The following HTR2C variants were observed in gnomAD, a reference collection of about 807,000 sequenced individuals.
HTR2C encodes 5-hydroxytryptamine (serotonin) receptor 2C, G protein-coupled.
A neutral mutation model predicts 21.0 loss-of-function variants in HTR2C; 5 were observed. That is an observed-to-expected ratio of 0.24 (90% CI 0.12 to 0.50). The LOEUF (loss-of-function observed/expected upper bound fraction) is 0.50. Ranked by LOEUF, HTR2C falls within the 20% of genes least tolerant of loss-of-function variation. The pLI, the probability that HTR2C is intolerant of heterozygous loss-of-function variation, is 0.98. For synonymous variants in HTR2C, 150 were observed against 145.3 expected (o/e 1.03, Z -0.23); for missense variants, 271 against 371.2 (o/e 0.73, Z 2.22).
chrX:114,711,385 A>G (rs1038280535), intron 2 of HTR2C, among the ~76,000 whole-genome samples: 6 of 111,951 alleles, frequency 5.4e-5, no homozygotes, highest in Non-Finnish European at 7.5e-5. Context: ...CATATCTTTC[A>G]TTCTTTTACT....
intron 4 of HTR2C, among the ~76,000 whole-genome samples, chrX:114,803,120 C>A (rs1556447492): frequency 1.1e-5 from 1 of 94,404 alleles, no homozygotes; most frequent in African/African-American, 3.8e-5. Flanking sequence ...TTTTCTTAAT[C>A]CAGTCTATCA....
chrX:114,780,396 T>G (rs1236764156), intron 4 of HTR2C, among the ~76,000 whole-genome samples: 1 of 111,849 alleles, frequency 8.9e-6, no homozygotes, highest in East Asian at 2.8e-4. Flanking sequence ...ACTGAGCAGC[T>G]ATTGTCTTGT....
At chrX:114,592,167 G>T (rs1215345067) in intron 1 of HTR2C, among the ~76,000 whole-genome samples, 1 of 112,259 alleles carries the variant, frequency 8.9e-6, no homozygotes. Context: ...ATAAAATGGG[G>T]AAGAGAACAT....
intron 4 of HTR2C, among the ~76,000 whole-genome samples, chrX:114,810,277 G>A (rs917806728): frequency 1.5e-4 from 17 of 111,193 alleles, no homozygotes; most frequent in African/African-American, 4.9e-4. Flanking sequence ...CCTTGGCCAC[G>A]CCAGCTGATA....
Position 114,789,609 on chromosome X carries a change from A to G in HTR2C, c.349+58002A>G, listed in dbSNP as rs1556442969. The stretch of plus-strand genomic sequence containing the variant: ...AAAATGTTAACGACCTCTGAAAATT[A>G]AAAAAAAAGGGCTTTGAGCTTAGAA... On this transcript the variant is annotated intron_variant, in intron 4 of 5. Coordinates refer to ENST00000276198, the MANE Select transcript of HTR2C (RefSeq NM_000868.4). 6.4e-5 allele frequency among the ~76,000 whole-genome samples: 7 copies of G among 110,143 alleles called. No individual in the cohort carries two copies. In the South Asian group the frequency reaches 2.3e-3, roughly 36 times the overall value.
intron 4 of HTR2C, among the ~76,000 whole-genome samples, chrX:114,737,608 A>G (rs1291728433): frequency 8.9e-6 from 1 of 112,100 alleles, no homozygotes; most frequent in Non-Finnish European, 1.9e-5. Context: ...AAATATATCA[A>G]ATATAATATG....
chrX:114,604,899 A>G (rs1185969635), intron 1 of HTR2C, among the ~76,000 whole-genome samples: 1 of 111,056 alleles, frequency 9.0e-6, no homozygotes, highest in African/African-American at 3.3e-5. Flanking sequence ...TTTTTCTATT[A>G]TTGTACACCT....
chrX:114,779,931 A>G (rs952726933), intron 4 of HTR2C, among the ~76,000 whole-genome samples: 2 of 111,116 alleles, frequency 1.8e-5, no homozygotes, highest in Non-Finnish European at 3.8e-5. Flanking sequence ...GCATATGTGT[A>G]TATGTGTGTA....
At chrX:114,810,796 G>A (rs2070523662) in intron 4 of HTR2C, among the ~76,000 whole-genome samples, 1 of 108,723 alleles carries the variant, frequency 9.2e-6, no homozygotes, top group South Asian at 4.3e-4. Flanking sequence ...TCAATTTGGT[G>A]TTCCTGTGAG....
chrX:114,718,160 A>G (rs1556420053), intron 2 of HTR2C, among the ~76,000 whole-genome samples: 1 of 111,104 alleles, frequency 9.0e-6, no homozygotes, highest in Non-Finnish European at 1.9e-5. Flanking sequence ...CCCACCCCAC[A>G]GTAGCTGGGA....
chrX:114,723,047 A>G (rs1451222412), intron 2 of HTR2C, among the ~76,000 whole-genome samples: 5 of 111,173 alleles, frequency 4.5e-5, no homozygotes, highest in African/African-American at 1.6e-4. Flanking sequence ...GTTAGGGAGG[A>G]TTCCCTCTTT....
intron 5 of HTR2C, among the ~76,000 whole-genome samples, chrX:114,851,750 C>T (rs955808865): frequency 3.6e-5 from 4 of 111,327 alleles, no homozygotes; most frequent in Non-Finnish European, 5.7e-5. Flanking sequence ...ATTTGCCAGA[C>T]TCACCTTTTA....
intron 2 of HTR2C, among the ~76,000 whole-genome samples, chrX:114,624,798 C>A (rs782303019): frequency 1.1e-3 from 125 of 111,514 alleles, no homozygotes; most frequent in African/African-American, 3.9e-3. Context: ...AAGAGTAATT[C>A]TTTGGGAAAA....
intron 1 of HTR2C, among the ~76,000 whole-genome samples, chrX:114,604,999 TAATAA>T (rs1928341323): frequency 9.0e-6 from 1 of 111,550 alleles, no homozygotes; most frequent in East Asian, 2.8e-4. Context: ...GCAGATTGGG[TAATAA>T]AATGTACTTT....
chrX:114,797,804 G>GTA (rs2070307889), intron 4 of HTR2C, among the ~76,000 whole-genome samples: 1 of 112,008 alleles, frequency 8.9e-6, no homozygotes, highest in Admixed American at 9.5e-5. Context: ...GCCAAGAACA[G>GTA]TATATATGAA....
intron 5 of HTR2C, among the ~76,000 whole-genome samples, chrX:114,890,273 C>A (rs1259674809): frequency 8.9e-6 from 1 of 112,083 alleles, no homozygotes; most frequent in Admixed American, 9.5e-5. Flanking sequence ...CGTATAGTTG[C>A]ATTTACCTCT....
At chrX:114,706,648 C>G (rs1932775250) in intron 2 of HTR2C, among the ~76,000 whole-genome samples, 1 of 104,050 alleles carries the variant, frequency 9.6e-6, no homozygotes, top group Non-Finnish European at 2.0e-5. Context: ...CAGCATGGCA[C>G]ATGTATACAT....
chrX:114,732,351 A>G (rs1225438594), intron 4 of HTR2C, among the ~76,000 whole-genome samples: 1 of 112,096 alleles, frequency 8.9e-6, no homozygotes, highest in East Asian at 2.8e-4. Context: ...AAGTATCTTT[A>G]CTAGGAAGTT....
intron 4 of HTR2C, among the ~76,000 whole-genome samples, chrX:114,750,819 C>T (rs1266809825): frequency 4.5e-5 from 5 of 111,745 alleles, no homozygotes; most frequent in African/African-American, 1.6e-4. Context: ...GAAACTAAAC[C>T]TAAGTAAATA....
Sources: allele counts gnomAD v4.1 joint callset (sites outside exome capture counted in the v4.1 genomes callset), GRCh38; gene constraint gnomAD v4.1.1; transcripts MANE v1.5; gene names NCBI Gene and HGNC (gene_info 2026-07-23, HGNC 2026-07-21).